The following CDH12 variants were observed in gnomAD, a reference collection of about 807,000 sequenced individuals.
The protein encoded by CDH12 is cadherin-12.
In CDH12, 41 loss-of-function variants were observed where a neutral mutation model predicts 74.1. The ratio of observed to expected loss-of-function variants is 0.55; its 90% CI spans 0.43 to 0.72. CDH12 has a LOEUF of 0.72. Among genes scored for constraint, CDH12 ranks in the 30% least tolerant of loss-of-function variants. The probability of loss-of-function intolerance (pLI) is 0.00; values close to 1 mark genes in which losing one functional copy is unlikely to be tolerated. For synonymous variants in CDH12, 399 were observed against 355.0 expected (o/e 1.12, Z -1.39); for missense variants, 945 against 977.2 (o/e 0.97, Z 0.44).
At chr5:22,591,685 C>A (rs1736333093) in intron 1 of CDH12, among the ~76,000 whole-genome samples, 1 of 152,150 alleles carries the variant, frequency 6.6e-6, no homozygotes, top group Admixed American at 6.5e-5. Context: ...CCCCAGCTGT[C>A]CCCAAGTCAT....
chr5:22,789,991 A>G (rs1166769039), intron 1 of CDH12, among the ~76,000 whole-genome samples: 4 of 152,098 alleles, frequency 2.6e-5, no homozygotes, highest in Non-Finnish European at 5.9e-5. Context: ...AAATGACATA[A>G]AAGAAATATT....
intron 1 of CDH12, among the ~76,000 whole-genome samples, chr5:22,753,981 T>A (rs1745746254): frequency 6.6e-6 from 1 of 152,178 alleles, no homozygotes; most frequent in South Asian, 2.1e-4. Flanking sequence ...TCATCCATAT[T>A]CTTTTCATAA....
At chr5:22,833,606 C>T (rs1309489865) in intron 1 of CDH12, among the ~76,000 whole-genome samples, 1 of 152,098 alleles carries the variant, frequency 6.6e-6, no homozygotes, top group East Asian at 1.9e-4. Flanking sequence ...TTTTAGAAAA[C>T]ACAGGAAAAC....
intron 4 of CDH12, among the ~76,000 whole-genome samples, chr5:22,184,631 C>T (rs1749828702): frequency 6.6e-6 from 1 of 152,150 alleles, no homozygotes; most frequent in African/African-American, 2.4e-5. Context: ...TGGATTGGAA[C>T]AGAGAAAAAT....
intron 6 of CDH12, among the ~76,000 whole-genome samples, chr5:21,869,676 T>C (rs1200395807): frequency 6.6e-6 from 1 of 152,178 alleles, no homozygotes; most frequent in Non-Finnish European, 1.5e-5. Context: ...CTTTATCTCC[T>C]CTTCAGGGGA....
At chr5:22,735,748 G>A (rs962286271) in intron 1 of CDH12, among the ~76,000 whole-genome samples, 7 of 151,820 alleles carry the variant, frequency 4.6e-5, no homozygotes, top group Admixed American at 6.6e-5. Flanking sequence ...ATCCATGATT[G>A]AAAATTGTAT....
chr5:22,381,679 T>C (rs1741764227), intron 3 of CDH12, among the ~76,000 whole-genome samples: 1 of 152,118 alleles, frequency 6.6e-6, no homozygotes, highest in Non-Finnish European at 1.5e-5. Flanking sequence ...CTCTATATCA[T>C]GGTTCTTAGT....
At chr5:21,978,939 G>C (rs1212907073) in intron 5 of CDH12, among the ~76,000 whole-genome samples, 1 of 148,936 alleles carries the variant, frequency 6.7e-6, no homozygotes, top group Non-Finnish European at 1.5e-5. Flanking sequence ...ATGGGATTCA[G>C]GCTTTGCTTA....
intron 1 of CDH12, among the ~76,000 whole-genome samples, chr5:22,702,076 CATT>C (rs1742741059): frequency 6.6e-6 from 1 of 152,166 alleles, no homozygotes; most frequent in Non-Finnish European, 1.5e-5. Flanking sequence ...GTTACATCAT[CATT>C]GTCTAGAGGC....
chr5:22,655,405 C>T (rs1739980942), intron 1 of CDH12, among the ~76,000 whole-genome samples: 2 of 152,190 alleles, frequency 1.3e-5, no homozygotes, highest in Admixed American at 1.3e-4. Flanking sequence ...ATCAAATACA[C>T]TTAGCATAGC....
intron 1 of CDH12, among the ~76,000 whole-genome samples, chr5:22,761,984 G>T (rs1042578355): frequency 6.6e-6 from 1 of 151,518 alleles, no homozygotes; most frequent in Non-Finnish European, 1.5e-5. Flanking sequence ...TGTTATAAAG[G>T]TGCCAATGGT....
intron 4 of CDH12, among the ~76,000 whole-genome samples, chr5:22,171,292 G>C (rs1749015876): frequency 1.3e-5 from 2 of 151,884 alleles, no homozygotes; most frequent in South Asian, 4.2e-4. Context: ...TGATTAATTG[G>C]ATAATGTTCG....
chr5:22,147,474 A>G (rs369315636), intron 4 of CDH12, among the ~76,000 whole-genome samples: 7 of 152,230 alleles, frequency 4.6e-5, no homozygotes, highest in African/African-American at 4.8e-5. Context: ...AGAAAATCGT[A>G]TCTCCAAGAG....
chr5:22,565,030 G>C (rs1254945158), intron 1 of CDH12, among the ~76,000 whole-genome samples: 1 of 152,062 alleles, frequency 6.6e-6, no homozygotes, highest in African/African-American at 2.4e-5. Context: ...CCACATCCTG[G>C]GTTTAAGTGA....
chr5:21,873,848 G>C (rs930409464), intron 6 of CDH12, among the ~76,000 whole-genome samples: 2 of 16,364 alleles, frequency 1.2e-4, no homozygotes, highest in African/African-American at 4.6e-4. Flanking sequence ...TCAGTGTTCA[G>C]CTCCCGCTTA....
intron 1 of CDH12, among the ~76,000 whole-genome samples, chr5:22,705,130 T>TATATATACACAC (rs752782183): frequency 0.08 from 10,083 of 125,340 alleles, 458 homozygotes; most frequent in Non-Finnish European, 0.093. Flanking sequence ...TATATATATA[T>TATATATACACAC]ACACACACAC....
intron 1 of CDH12, among the ~76,000 whole-genome samples, chr5:22,605,354 C>T (rs770851419): frequency 6.6e-6 from 1 of 152,182 alleles, no homozygotes; most frequent in East Asian, 1.9e-4. Flanking sequence ...CTGACTGAAG[C>T]ACCTATGAGA....
At chr5:22,283,787 CAT>C (rs1561282157) in intron 3 of CDH12, among the ~76,000 whole-genome samples, 1 of 151,982 alleles carries the variant, frequency 6.6e-6, no homozygotes, top group African/African-American at 2.4e-5. Flanking sequence ...AGAAAGAAAA[CAT>C]AACTCTGCAA....
intron 1 of CDH12, among the ~76,000 whole-genome samples, chr5:22,823,029 T>C (rs1302435381): frequency 6.6e-5 from 10 of 152,190 alleles, no homozygotes; most frequent in Admixed American, 5.2e-4. Flanking sequence ...GTGGCACATA[T>C]ACACAATGGA....
Sources: allele counts gnomAD v4.1 joint callset (sites outside exome capture counted in the v4.1 genomes callset), GRCh38; gene constraint gnomAD v4.1.1; transcripts MANE v1.5; gene names NCBI Gene and HGNC (gene_info 2026-07-23, HGNC 2026-07-21).